The following BLMH variants were observed in gnomAD, a reference collection of about 807,000 sequenced individuals.
The protein encoded by BLMH is BLM hydrolase.
A neutral mutation model predicts 61.6 loss-of-function variants in BLMH; 32 were observed. The observed-to-expected ratio is 0.52, with a 90% CI of 0.39 to 0.70. The LOEUF is 0.70. Among genes scored for constraint, BLMH ranks in the 30% least tolerant of loss-of-function variants. BLMH has a pLI of 0.00. For missense variants in BLMH, 460 were observed against 555.5 expected (o/e 0.83, Z 1.73); for synonymous variants, 183 against 193.8 (o/e 0.94, Z 0.46).
intron 4 of BLMH, 151 bp from the exon 5 acceptor site, chr17:30,287,053 GTT>G: frequency 1.6e-6 from 1 of 611,938 alleles, no homozygotes; most frequent in Non-Finnish European, 2.8e-6. Flanking sequence ...TTTGTTTTTT[GTT>G]TTTTGTTTTT....
At chr17:30,276,039 T>A (rs916085360) in intron 6 of BLMH, among the ~76,000 whole-genome samples, 37 of 152,070 alleles carry the variant, frequency 2.4e-4, no homozygotes, top group Non-Finnish European at 4.1e-4. Context: ...CTTTTTTTTT[T>A]AAATCAGAGA....
At chr17:30,282,455 T>G (rs1193530950) in intron 6 of BLMH, among the ~76,000 whole-genome samples, 1 of 152,148 alleles carries the variant, frequency 6.6e-6, no homozygotes, top group Non-Finnish European at 1.5e-5. Flanking sequence ...TGGCCTCAAG[T>G]GATCCATCTG....
chr17:30,273,776 T>C, intron 7 of BLMH: 1 of 489,612 alleles, frequency 2.0e-6, no homozygotes, highest in Non-Finnish European at 3.6e-6. Context: ...ATTCTGGTCC[T>C]ATACAGGGGC....
At chr17:30,288,968 AAAAT>A (rs1398866717) in intron 3 of BLMH, among the ~76,000 whole-genome samples, 3 of 152,216 alleles carry the variant, frequency 2.0e-5, no homozygotes, top group African/African-American at 4.8e-5. Context: ...CTGTCTCAAA[AAAAT>A]AAATAAACAA....
At chr17:30,275,667 C>G (rs559924950) in intron 6 of BLMH, among the ~76,000 whole-genome samples, 1 of 150,846 alleles carries the variant, frequency 6.6e-6, no homozygotes, top group East Asian at 1.9e-4. Flanking sequence ...GCCTGGGGGA[C>G]AGGGCGAGAC....
At chr17:30,287,554 T>C (rs895218166) in intron 4 of BLMH, among the ~76,000 whole-genome samples, 1 of 152,224 alleles carries the variant, frequency 6.6e-6, no homozygotes, top group Non-Finnish European at 1.5e-5. Flanking sequence ...AATTTTTTCA[T>C]GGAAAATTAG....
At chr17:30,290,974 C>A in intron 2 of BLMH, 1 of 264,228 alleles carries the variant, frequency 3.8e-6, no homozygotes, top group Non-Finnish European at 7.4e-6. Flanking sequence ...AAGATATGAA[C>A]ATTTTCACAT....
At chr17:30,287,745 C>G in intron 4 of BLMH, 61 bp downstream of exon 4, 2 of 1,586,766 alleles carry the variant, frequency 1.3e-6, no homozygotes, top group Non-Finnish European at 1.7e-6. Flanking sequence ...TTGGCCCATG[C>G]CTAACTACAG....
chr17:30,256,089 G>A (rs1021442220), intron 11 of BLMH, among the ~76,000 whole-genome samples: 1 of 152,150 alleles, frequency 6.6e-6, no homozygotes, highest in African/African-American at 2.4e-5. Flanking sequence ...GTCTTACGAT[G>A]TTGCCCAGGC....
chr17:30,278,710 C>T (rs1908493963), intron 6 of BLMH, among the ~76,000 whole-genome samples: 1 of 152,168 alleles, frequency 6.6e-6, no homozygotes, highest in Admixed American at 6.5e-5. Flanking sequence ...CACTCTGTCA[C>T]CCAGGCTGGA....
intron 8 of BLMH, 43 bp downstream of exon 8, chr17:30,272,698 G>A: frequency 1.2e-6 from 2 of 1,613,946 alleles, no homozygotes; most frequent in African/African-American, 2.7e-5. Context: ...AGAAGTAAAA[G>A]ATGTTTTAAC....
chr17:30,274,504 C>T (rs1409864415), intron 6 of BLMH, among the ~76,000 whole-genome samples: 1 of 152,116 alleles, frequency 6.6e-6, no homozygotes, highest in South Asian at 2.1e-4. Context: ...ACCATTGATA[C>T]CCAGCAAGAT....
At chr17:30,278,228 G>C (rs76215264) in intron 6 of BLMH, among the ~76,000 whole-genome samples, 1 of 152,096 alleles carries the variant, frequency 6.6e-6, no homozygotes, top group African/African-American at 2.4e-5. Flanking sequence ...ATCCAACTCT[G>C]CTCTCTGGTG....
chr17:30,261,833 T>C (rs902399654), intron 11 of BLMH, among the ~76,000 whole-genome samples: 5 of 152,222 alleles, frequency 3.3e-5, no homozygotes, highest in Non-Finnish European at 7.3e-5. Context: ...ATAGTCTGAA[T>C]TGATAACATG....
rs769377189 is a variant in BLMH, at chr17:30,291,515, G to A, written c.14-7C>T. The A allele has an allele frequency of 3.1e-6, 5 of 1,613,198 alleles. No individual in the cohort carries two copies. The highest frequency in any genetic ancestry group is 1.1e-5 in the South Asian group (1 of 91,056). On this transcript the variant is annotated splice_polypyrimidine_tract_variant and splice_region_variant and intron_variant, in intron 1 of 11. Transcript: ENST00000261714. The stretch of plus-strand genomic sequence containing the variant: ...ACCTTCTCCGAATTCAGTCCTGTTG[G>A]GAGACCAAACAGGATTTTAACGCAA...
At chr17:30,275,546 C>T (rs1908398126) in intron 6 of BLMH, among the ~76,000 whole-genome samples, 1 of 151,750 alleles carries the variant, frequency 6.6e-6, no homozygotes, top group African/African-American at 2.4e-5. Context: ...ACTAGCTGGG[C>T]ATGGTGGTAT....
At chr17:30,260,745 T>C (rs1907935522) in intron 11 of BLMH, among the ~76,000 whole-genome samples, 1 of 152,032 alleles carries the variant, frequency 6.6e-6, no homozygotes, top group Non-Finnish European at 1.5e-5. Context: ...TAGCTGGGCA[T>C]GGTGGCAGGC....
chr17:30,289,189 C>G (rs938421394), intron 3 of BLMH, among the ~76,000 whole-genome samples, 184 bp downstream of exon 3: 1 of 151,900 alleles, frequency 6.6e-6, no homozygotes, highest in African/African-American at 2.4e-5. Flanking sequence ...AAAATGGCCA[C>G]CTACCAACCA....
At chr17:30,266,742 G>T (rs1370410641) in intron 11 of BLMH, 143 bp downstream of exon 11, 1 of 747,738 alleles carries the variant, frequency 1.3e-6, no homozygotes, top group Non-Finnish European at 2.2e-6. Context: ...GGGCAAATCA[G>T]ATCCTCAGAT....
Sources: allele counts gnomAD v4.1 joint callset (sites outside exome capture counted in the v4.1 genomes callset), GRCh38; gene constraint gnomAD v4.1.1; transcripts MANE v1.5; gene names NCBI Gene and HGNC (gene_info 2026-07-23, HGNC 2026-07-21).